The following DCUN1D4 variants were observed in gnomAD, a reference collection of about 807,000 sequenced individuals.
The protein encoded by DCUN1D4 is DCN1-like protein 4.
In DCUN1D4, 22 loss-of-function variants were observed where a neutral mutation model predicts 47.9. The observed-to-expected ratio is 0.46, with a 90% CI of 0.33 to 0.66. The LOEUF is 0.66. Among genes scored for constraint, DCUN1D4 ranks in the 30% least tolerant of loss-of-function variants. DCUN1D4 has a pLI of 0.02. For missense variants in DCUN1D4, 301 were observed against 340.8 expected (o/e 0.88, Z 0.92); for synonymous variants, 121 against 112.2 (o/e 1.08, Z -0.50).
intron 1 of DCUN1D4, among the ~76,000 whole-genome samples, chr4:51,861,198 T>G (rs1232384014): frequency 1.3e-5 from 2 of 152,218 alleles, no homozygotes; most frequent in African/African-American, 2.4e-5. Context: ...AACCAGCTGT[T>G]AGACTCCAGA....
At chr4:51,874,122 A>G in intron 3 of DCUN1D4, 149 bp from the exon 4 acceptor site, 2 of 456,974 alleles carry the variant, frequency 4.4e-6, no homozygotes, top group Non-Finnish European at 3.8e-6. Context: ...TTTTTTCAAA[A>G]AGGAACTAAA....
At chr4:51,870,772 G>T (rs548588328) in intron 3 of DCUN1D4, among the ~76,000 whole-genome samples, 1 of 152,346 alleles carries the variant, frequency 6.6e-6, no homozygotes, top group South Asian at 2.1e-4. Context: ...CAGGTTTGGG[G>T]TAAACAGACT....
At chr4:51,875,547 A>G (rs144230623) in intron 4 of DCUN1D4, among the ~76,000 whole-genome samples, 36 of 152,324 alleles carry the variant, frequency 2.4e-4, no homozygotes, top group African/African-American at 8.4e-4. Context: ...TTTTAAGTGT[A>G]CAGTTTAGTG....
intron 1 of DCUN1D4, chr4:51,848,373 A>T: frequency 2.4e-6 from 3 of 1,240,318 alleles, no homozygotes; most frequent in Non-Finnish European, 3.1e-6. Context: ...AACAGGTCTG[A>T]TGTTAAGGGG....
intron 3 of DCUN1D4, among the ~76,000 whole-genome samples, chr4:51,870,028 A>G (rs1405365545): frequency 6.6e-6 from 1 of 152,188 alleles, no homozygotes; most frequent in African/African-American, 2.4e-5. Context: ...GCTTCTAATG[A>G]TAGGAGGATT....
chr4:51,891,574 A>C (rs1438054941), intron 6 of DCUN1D4, among the ~76,000 whole-genome samples, 186 bp from the exon 7 acceptor site: 1 of 152,178 alleles, frequency 6.6e-6, no homozygotes, highest in African/African-American at 2.4e-5. Context: ...TATATTGTCA[A>C]CTTTTTTAGA....
chr4:51,881,660 T>TAA (rs534474397), intron 5 of DCUN1D4, among the ~76,000 whole-genome samples: 232 of 109,980 alleles, frequency 2.1e-3, no homozygotes, highest in Admixed American at 5.4e-3. Context: ...AGATACAAGT[T>TAA]AAAAAAAAAA....
At chr4:51,881,545 G>T (rs1209817394) in intron 5 of DCUN1D4, among the ~76,000 whole-genome samples, 1 of 151,804 alleles carries the variant, frequency 6.6e-6, no homozygotes, top group Non-Finnish European at 1.5e-5. Context: ...AGATGGCAGG[G>T]AAAGTGGAAG....
the DCUN1D4 span, among the ~76,000 whole-genome samples, chr4:51,834,103 C>CTTTTTTT: frequency 1.4e-4 from 6 of 42,578 alleles, 1 homozygote; most frequent in East Asian, 2.2e-3. Flanking sequence ...TTTCTTCTTT[C>CTTTTTTT]TTTTTTTTTT....
Position 51,860,742 on chromosome 4 carries a change from C to CA in DCUN1D4, c.26-2694dup, listed in dbSNP as rs946592535. On this transcript the variant is annotated intron_variant, in intron 1 of 10. Transcript: ENST00000334635. ...CACTGTCTCAAAGACAGCACTAAGC[C>CA]ATGAGGGATCCGCCCCCATGATCCA... 33 of 411,362 alleles carry CA rather than the reference C, an allele frequency of 8.0e-5. 1 individual carries two copies. The Middle Eastern group carries it at 2.4e-3, about 29-fold the overall frequency. 25.5% of individuals were successfully genotyped at this position (411,362 alleles called of 1,614,324 possible). A position where few individuals can be genotyped will look rare whatever the true frequency, so the allele number is the denominator to read the frequency against.
At chr4:51,845,347 G>A in intron 1 of DCUN1D4, 1 of 906,596 alleles carries the variant, frequency 1.1e-6, no homozygotes, top group Non-Finnish European at 1.3e-6. Flanking sequence ...TGGGTTAGTG[G>A]AATTTAGGGT....
chr4:51,892,489 G>T (rs1730579749), intron 7 of DCUN1D4, among the ~76,000 whole-genome samples: 1 of 152,164 alleles, frequency 6.6e-6, no homozygotes, highest in African/African-American at 2.4e-5. Flanking sequence ...GTTGAGTAAT[G>T]TATAACTTGT....
the DCUN1D4 span, among the ~76,000 whole-genome samples, chr4:51,834,042 T>TTCTCTCTCTC: frequency 5.6e-4 from 29 of 51,902 alleles, no homozygotes; most frequent in South Asian, 1.2e-3. Flanking sequence ...TTAGGAGTCT[T>TTCTCTCTCTC]TCTCTCTCTC....
chr4:51,894,712 TTTC>T (rs1392748722), intron 7 of DCUN1D4, among the ~76,000 whole-genome samples: 2 of 152,196 alleles, frequency 1.3e-5, no homozygotes, highest in African/African-American at 4.8e-5. Flanking sequence ...CTATTTTGGA[TTTC>T]TTTTCTATTT....
chr4:51,842,980 C>G, upstream of DCUN1D4: 1 of 1,175,504 alleles, frequency 8.5e-7, no homozygotes, highest in Admixed American at 3.8e-5. Context: ...GACAAGGCCC[C>G]AGGACCAATC....
chr4:51,841,379 G>A (rs1721642467), upstream of DCUN1D4, among the ~76,000 whole-genome samples: 1 of 152,182 alleles, frequency 6.6e-6, no homozygotes, highest in African/African-American at 2.4e-5. Context: ...TCCCTGCTCA[G>A]AGTAAGGGCG....
intron 7 of DCUN1D4, among the ~76,000 whole-genome samples, chr4:51,895,029 C>T (rs1731016368): frequency 1.3e-5 from 2 of 152,042 alleles, no homozygotes; most frequent in Non-Finnish European, 2.9e-5. Flanking sequence ...CAAACAAGCG[C>T]CCTTGGGTCT....
chr4:51,840,006 A>G (rs1025836931), upstream of DCUN1D4, among the ~76,000 whole-genome samples: 4 of 152,228 alleles, frequency 2.6e-5, no homozygotes, highest in Admixed American at 6.5e-5. Flanking sequence ...GACTAATAAA[A>G]TAGAAAAATT....
chr4:51,865,258 T>C, intron 3 of DCUN1D4: 2 of 229,108 alleles, frequency 8.7e-6, no homozygotes, highest in Non-Finnish European at 1.8e-5. Flanking sequence ...CTCCTACATC[T>C]ATAAAGTGTT....
Sources: allele counts gnomAD v4.1 joint callset (sites outside exome capture counted in the v4.1 genomes callset), GRCh38; gene constraint gnomAD v4.1.1; transcripts MANE v1.5; gene names NCBI Gene and HGNC (gene_info 2026-07-23, HGNC 2026-07-21).